The following CIB1 variants were observed in gnomAD, a reference collection of about 807,000 sequenced individuals.
The protein encoded by CIB1 is calcium and integrin-binding protein 1.
CIB1 carries 19 observed loss-of-function variants against 25.0 expected under a neutral mutation model. The observed-to-expected ratio is 0.76, with a 90% confidence interval of 0.53 to 1.12. The LOEUF (loss-of-function observed/expected upper bound fraction) is 1.12. Among genes scored for constraint, CIB1 ranks in the 50% most tolerant of loss-of-function variants. CIB1 has a pLI of 0.00. For missense variants in CIB1, 236 were observed against 242.6 expected (o/e 0.97, Z 0.18); for synonymous variants, 104 against 98.5 (o/e 1.06, Z -0.33).
chr15:90,246,272 CAAAA>C, the CIB1 span, among the ~76,000 whole-genome samples: 1 of 147,420 alleles, frequency 6.8e-6, no homozygotes, highest in Non-Finnish European at 1.5e-5. Flanking sequence ...GACTCCATCT[CAAAA>C]AAAAAATACA....
At chr15:90,262,937 C>G in the CIB1 span, 5 of 1,528,896 alleles carry the variant, frequency 3.3e-6, no homozygotes, top group Non-Finnish European at 4.4e-6. Context: ...CCTTGGAGAT[C>G]CTGCATTTAT....
chr15:90,249,448 G>C, the CIB1 span: 2 of 152,206 alleles, frequency 1.3e-5, no homozygotes, highest in African/African-American at 2.4e-5. Context: ...AGGTAGCCTC[G>C]GCCCGCGCCC....
chr15:90,231,195 G>A lies in CIB1; in HGVS notation c.365C>T (p.Thr122Ile). The A allele has an allele frequency of 6.2e-7, 1 of 1,606,184 alleles. No individual in the cohort carries two copies. The highest frequency in any genetic ancestry group is 2.3e-5 in the East Asian group (1 of 44,212). ...CCGGCTCAGGTCTTCTCTGTTCAAG[G>A]TTCCGTCATCATCAAAGTCTAGAGA... is the stretch of plus-strand genomic sequence containing the variant. ...FRIFDFDDDG[T>I]LNREDLSRLV... is the part of the protein sequence containing the mutation. The change falls in exon 5 of 7, where the codon ACC becomes ATC. Residue 122 changes from threonine to isoleucine, a missense_variant. Physicochemically the swap from Thr to Ile is moderately conservative, Grantham distance 89 (BLOSUM62 -1). Coordinates refer to ENST00000328649, the MANE Select transcript of CIB1 (RefSeq NM_006384.4).
the CIB1 span, among the ~76,000 whole-genome samples, chr15:90,248,896 G>C: frequency 2.6e-5 from 4 of 152,138 alleles, no homozygotes; most frequent in African/African-American, 9.7e-5. Flanking sequence ...ATGTCAGGAA[G>C]AGAAGGTGAC....
At chr15:90,250,796 A>C in the CIB1 span, 3 of 1,614,082 alleles carry the variant, frequency 1.9e-6, no homozygotes, top group Non-Finnish European at 2.5e-6. Flanking sequence ...TCCCTCACCC[A>C]TTATGGCCAC....
At chr15:90,233,743 G>A (rs1037706755) in intron 1 of CIB1, 40 bp from the exon 2 acceptor site, 15 of 1,557,662 alleles carry the variant, frequency 9.6e-6, no homozygotes, top group Admixed American at 1.9e-5. Context: ...CGGACCGCTG[G>A]GAGGCCGCGG....
chr15:90,257,017 G>A, the CIB1 span: 1 of 974,996 alleles, frequency 1.0e-6, no homozygotes, highest in Non-Finnish European at 1.5e-6. Context: ...AGTAATAACA[G>A]TAACTATTTT....
chr15:90,262,726 G>A, the CIB1 span: 1 of 1,413,268 alleles, frequency 7.1e-7, no homozygotes, highest in Non-Finnish European at 9.3e-7. Flanking sequence ...GGGACAACTA[G>A]ATAGGGGAAT....
chr15:90,247,519 G>A, the CIB1 span, among the ~76,000 whole-genome samples: 1 of 151,150 alleles, frequency 6.6e-6, no homozygotes, highest in Non-Finnish European at 1.5e-5. Context: ...CCATCAGCCA[G>A]GAAGGACATT....
chr15:90,233,588 C>T lies in CIB1; in HGVS notation c.86+81G>A, dbSNP rs528054859. On this transcript the variant is annotated intron_variant, in intron 2 of 6. Transcript: ENST00000328649. ...CCTCTGCAGACCTCAGGCCAGCCCCCGCCCCTCCCTCGGGACAGCGCCCCC... is the reference window on the plus strand; with the variant it reads ...CCTCTGCAGACCTCAGGCCAGCCCCTGCCCCTCCCTCGGGACAGCGCCCCC... 1.2e-4 allele frequency: 182 copies of T among 1,512,526 alleles called. 2 individuals carry two copies. The East Asian group carries it at 4.1e-3, about 34-fold the overall frequency. 93.7% of individuals were successfully genotyped at this position (1,512,526 alleles called of 1,614,324 possible). A position where few individuals can be genotyped will look rare whatever the true frequency, so the allele number is the denominator to read the frequency against.
At chr15:90,250,436 C>T in the CIB1 span, among the ~76,000 whole-genome samples, 1 of 152,152 alleles carries the variant, frequency 6.6e-6, no homozygotes, top group Admixed American at 6.6e-5. Context: ...GTCTTCCACC[C>T]CCATGCACCT....
chr15:90,258,413 A>T, the CIB1 span: 1 of 740,346 alleles, frequency 1.4e-6, no homozygotes, highest in Non-Finnish European at 2.3e-6. Context: ...AGCAGAAGGC[A>T]TAAGATCTCT....
At chr15:90,233,287 G>A (rs540007671) in intron 2 of CIB1, among the ~76,000 whole-genome samples, 1 of 152,278 alleles carries the variant, frequency 6.6e-6, no homozygotes. Flanking sequence ...AAGCGATAAC[G>A]GTTACTGTAT....
In CIB1 at chr15:90,231,339, G is replaced by A; in HGVS notation, c.346+18C>T. 6.2e-7 allele frequency: 1 copy of A among 1,612,298 alleles called. No individual in the cohort carries two copies. The highest frequency in any genetic ancestry group is 8.5e-7 in the Non-Finnish European group (1 of 1,178,476). On this transcript the variant is annotated intron_variant, in intron 4 of 6. Transcript: ENST00000328649. Reference sequence around the variant, plus strand: ...GTGGGAAGGGGTGGTGTCCTGCCGGGCTGCTCCTGGTTCTCACCAAAGATG... The same window carrying A: ...GTGGGAAGGGGTGGTGTCCTGCCGGACTGCTCCTGGTTCTCACCAAAGATG...
rs1282224774 is a variant in CIB1 at position 90,230,460 on chromosome 15, C to G, written c.*24G>C. 3 of 1,551,434 alleles carry G rather than the reference C, an allele frequency of 1.9e-6. No homozygotes were observed. Among genetic ancestry groups the G allele is most frequent in the East Asian group, 4.9e-5 (2 of 40,916 alleles). ...AGTAGAAAGGTTCTTGGACAGGGTG[C>G]CAGGACACACGCTGGGGCTGCTGTC... On this transcript the variant is annotated 3_prime_UTR_variant, in exon 7 of 7. Transcript: ENST00000328649.
chr15:90,255,102 G>A, the CIB1 span, among the ~76,000 whole-genome samples: 2 of 152,244 alleles, frequency 1.3e-5, no homozygotes, highest in Non-Finnish European at 2.9e-5. Context: ...GTCCCCCTGT[G>A]CAGACAGGAA....
chr15:90,242,767 C>T, the CIB1 span: 1 of 152,182 alleles, frequency 6.6e-6, no homozygotes, highest in Admixed American at 6.6e-5. Flanking sequence ...CATTTTCTAC[C>T]TGATGAGTCC....
the CIB1 span, chr15:90,263,057 C>T: frequency 6.5e-7 from 1 of 1,536,038 alleles, no homozygotes; most frequent in Non-Finnish European, 8.7e-7. Context: ...CAAAGGGAGA[C>T]TCTCATCCGA....
At chr15:90,233,738 C>T (rs754984051) in intron 1 of CIB1, 35 bp from the exon 2 acceptor site, 3 of 1,559,814 alleles carry the variant, frequency 1.9e-6, no homozygotes, top group Non-Finnish European at 2.6e-6. Flanking sequence ...ATTAGCGGAC[C>T]GCTGGGAGGC....
Sources: gnomAD v4.1 joint callset for allele counts (sites outside exome capture counted in the v4.1 genomes callset) on GRCh38, gnomAD v4.1.1 for gene constraint, MANE v1.5 for transcripts, NCBI Gene and HGNC (gene_info 2026-07-23, HGNC 2026-07-21) for gene names.